UTRN: variants seen among roughly 807,000 people sequenced by gnomAD.
The protein encoded by UTRN is utrophin.
UTRN carries 283 observed loss-of-function variants against 463.9 expected under a neutral mutation model. The observed-to-expected ratio is 0.61, with a 90% CI of 0.55 to 0.67. The LOEUF is 0.67. Ranked by LOEUF, UTRN falls within the 30% of genes least tolerant of loss-of-function variation. UTRN has a pLI of 0.00. For missense variants in UTRN, 3,922 were observed against 4,084.3 expected (o/e 0.96, Z 1.08); for synonymous variants, 1,442 against 1,431.5 (o/e 1.01, Z -0.17).
chr6:144,555,842 C>A (rs1301834623), intron 49 of UTRN, among the ~76,000 whole-genome samples: 1 of 152,282 alleles, frequency 6.6e-6, no homozygotes, highest in African/African-American at 2.4e-5. Flanking sequence ...AAATCCAAAC[C>A]ATATTACTTA....
intron 52 of UTRN, among the ~76,000 whole-genome samples, chr6:144,699,657 C>A (rs1586090132): frequency 6.7e-6 from 1 of 150,152 alleles, no homozygotes. Context: ...TGCGTATATA[C>A]TATACATAAA....
At chr6:144,374,146 C>T (rs111452968) in intron 2 of UTRN, among the ~76,000 whole-genome samples, 2 of 152,156 alleles carry the variant, frequency 1.3e-5, no homozygotes, top group Admixed American at 1.3e-4. Context: ...AATAGGATAA[C>T]GCTATGGAAT....
At chr6:144,669,191 A>G (rs1466440694) in intron 51 of UTRN, among the ~76,000 whole-genome samples, 1 of 146,324 alleles carries the variant, frequency 6.8e-6, no homozygotes, top group Non-Finnish European at 1.5e-5. Flanking sequence ...GAAAAGTAGG[A>G]AAAAAATTGG....
chr6:144,799,316 G>A (rs1322303374), intron 64 of UTRN: 1 of 376,962 alleles, frequency 2.7e-6, no homozygotes, highest in Non-Finnish European at 5.5e-6. Flanking sequence ...GAAGACTAAA[G>A]TATTGTGAGG....
chr6:144,587,255 A>G (rs1802553913), intron 51 of UTRN, among the ~76,000 whole-genome samples: 1 of 152,136 alleles, frequency 6.6e-6, no homozygotes, highest in South Asian at 2.1e-4. Context: ...TCCCCGGAAT[A>G]CTGTGTCTTC....
chr6:144,393,308 A>G (rs959522393), intron 2 of UTRN, among the ~76,000 whole-genome samples: 1 of 152,232 alleles, frequency 6.6e-6, no homozygotes, highest in Non-Finnish European at 1.5e-5. Flanking sequence ...CTTTTTCACG[A>G]TTTAAATTTA....
chr6:144,526,885 C>T (rs1317122869), intron 41 of UTRN, among the ~76,000 whole-genome samples: 1 of 151,878 alleles, frequency 6.6e-6, no homozygotes, highest in Non-Finnish European at 1.5e-5. Context: ...CAACCTCTGC[C>T]TCTCAGGTTC....
At chr6:144,488,542 TA>T in intron 29 of UTRN, 130 bp from the exon 30 acceptor site, 3 of 765,556 alleles carry the variant, frequency 3.9e-6, no homozygotes, top group Non-Finnish European at 5.8e-6. Context: ...TAGTAATTAT[TA>T]TTTATTTATA....
intron 2 of UTRN, among the ~76,000 whole-genome samples, chr6:144,340,122 A>G (rs2473157): frequency 0.51 from 77,419 of 152,076 alleles, 22,911 homozygotes; most frequent in African/African-American, 0.83. Flanking sequence ...AGCTGAGATC[A>G]CACCACTGCA....
At chr6:144,808,266 C>G (rs1397523369) in intron 65 of UTRN, among the ~76,000 whole-genome samples, 1 of 132,680 alleles carries the variant, frequency 7.5e-6, no homozygotes, top group Non-Finnish European at 1.5e-5. Context: ...GCTTATGAAT[C>G]AAGAGAGTAG....
chr6:144,842,110 CA>C (rs35954430), intron 73 of UTRN, among the ~76,000 whole-genome samples: 1,407 of 61,824 alleles, frequency 0.023, 1 homozygote, highest in African/African-American at 0.061. Flanking sequence ...ACTTCCTCTC[CA>C]AAAAAAAAAA....
chr6:144,688,041 T>C (rs922232324), intron 52 of UTRN, among the ~76,000 whole-genome samples: 8 of 152,176 alleles, frequency 5.3e-5, no homozygotes, highest in African/African-American at 1.9e-4. Context: ...CTTTGTTCAT[T>C]TCTTTTCATT....
At chr6:144,592,521 C>T (rs1803196514) in intron 51 of UTRN, among the ~76,000 whole-genome samples, 1 of 152,066 alleles carries the variant, frequency 6.6e-6, no homozygotes, top group Non-Finnish European at 1.5e-5. Flanking sequence ...CAGGCGTGCA[C>T]CACCACTTCC....
intron 2 of UTRN, among the ~76,000 whole-genome samples, chr6:144,347,837 G>GTTTTTTTTTTGTTTTTTTTTTTT (rs1777720200): frequency 7.0e-5 from 9 of 128,912 alleles, no homozygotes; most frequent in African/African-American, 3.1e-4. Context: ...CTTATTCTTT[G>GTTTTTTTTTTGTTTTTTTTTTTT]TTTTTTTTTT....
chr6:144,485,643 A>G, intron 28 of UTRN, 124 bp downstream of exon 28: 1 of 1,399,662 alleles, frequency 7.1e-7, no homozygotes, highest in Non-Finnish European at 9.7e-7. Context: ...TTTCAATGTC[A>G]CTTGCATTTT....
chr6:144,753,682 G>A (rs539673889), intron 56 of UTRN, among the ~76,000 whole-genome samples: 133 of 148,454 alleles, frequency 9.0e-4, no homozygotes, highest in Non-Finnish European at 1.6e-3. Flanking sequence ...GGGCAGCATA[G>A]TGAGACCTTG....
intron 32 of UTRN, among the ~76,000 whole-genome samples, chr6:144,492,995 A>T (rs1043309158): frequency 6.6e-6 from 1 of 152,220 alleles, no homozygotes; most frequent in Non-Finnish European, 1.5e-5. Flanking sequence ...TTTAGTCCTA[A>T]TGTTTTCCCA....
chr6:144,510,036 G>A (rs1460478737), intron 34 of UTRN, among the ~76,000 whole-genome samples: 1 of 152,122 alleles, frequency 6.6e-6, no homozygotes, highest in South Asian at 2.1e-4. Flanking sequence ...TAATTGACAT[G>A]GCCAAGTGAG....
At chr6:144,292,200 T>A (rs547710602) in intron 2 of UTRN, among the ~76,000 whole-genome samples, 38 of 152,292 alleles carry the variant, frequency 2.5e-4, no homozygotes, top group African/African-American at 8.7e-4. Context: ...ACCGAACATT[T>A]CTCTTTCTAT....
Sources: allele counts gnomAD v4.1 joint callset (sites outside exome capture counted in the v4.1 genomes callset), GRCh38; gene constraint gnomAD v4.1.1; transcripts MANE v1.5; gene names NCBI Gene and HGNC (gene_info 2026-07-23, HGNC 2026-07-21).